The following PTPRN2 variants were observed in gnomAD, a reference collection of about 807,000 sequenced individuals.
PTPRN2 encodes the protein protein tyrosine phosphatase receptor type N2.
A neutral mutation model predicts 118.8 loss-of-function variants in PTPRN2; 74 were observed. The ratio of observed to expected loss-of-function variants is 0.62; its 90% confidence interval spans 0.52 to 0.76. The LOEUF (loss-of-function observed/expected upper bound fraction) is 0.76. Among genes scored for constraint, PTPRN2 ranks in the 30% least tolerant of loss-of-function variants. The pLI is 0.00. For missense variants in PTPRN2, 1,481 were observed against 1,394.4 expected (o/e 1.06, Z -0.99); for synonymous variants, 641 against 608.0 (o/e 1.05, Z -0.80).
chr7:157,877,515 A>G (rs902229456), intron 12 of PTPRN2, among the ~76,000 whole-genome samples: 3 of 151,128 alleles, frequency 2.0e-5, no homozygotes, highest in Admixed American at 2.0e-4. Context: ...TCCAAGTGCC[A>G]TGGTCAGGGT....
chr7:158,300,483 T>G (rs575274285), intron 3 of PTPRN2, among the ~76,000 whole-genome samples: 1 of 103,202 alleles, frequency 9.7e-6, no homozygotes, highest in South Asian at 3.4e-4. Context: ...CAACCTATAT[T>G]TTGTGTGAGA....
chr7:157,829,105 G>A (rs1454956414), intron 12 of PTPRN2, among the ~76,000 whole-genome samples: 3 of 152,278 alleles, frequency 2.0e-5, no homozygotes, highest in East Asian at 1.9e-4. Context: ...CGGGATGCTC[G>A]TGAGCCGTGA....
chr7:158,166,799 T>G (rs1823046009), intron 6 of PTPRN2, 132 bp downstream of exon 6: 3 of 1,200,402 alleles, frequency 2.5e-6, no homozygotes, highest in Non-Finnish European at 2.2e-6. Context: ...GGTGCCCCAT[T>G]CCTGCCACGC....
intron 12 of PTPRN2, among the ~76,000 whole-genome samples, chr7:157,871,961 C>G (rs554888829): frequency 2.8e-5 from 4 of 143,740 alleles, no homozygotes; most frequent in African/African-American, 1.0e-4. Flanking sequence ...ACATACCCAG[C>G]GCTTCCCCAC....
chr7:158,112,486 C>A (rs1156521992), intron 9 of PTPRN2, among the ~76,000 whole-genome samples: 1 of 152,162 alleles, frequency 6.6e-6, no homozygotes, highest in Non-Finnish European at 1.5e-5. Flanking sequence ...CCTGAGCTGG[C>A]CACCACGGCT....
intron 9 of PTPRN2, among the ~76,000 whole-genome samples, chr7:158,118,511 A>G (rs1236752204): frequency 6.6e-6 from 1 of 152,244 alleles, no homozygotes; most frequent in East Asian, 1.9e-4. Flanking sequence ...ATGCACATAG[A>G]AAACAAATAT....
At position 158,110,817 on chromosome 7, in the gene PTPRN2, C is replaced by G; in HGVS notation, c.1643+12G>C. Reference sequence around the variant, plus strand: ...CAGGAGCCAAACAGAAACCCCAGGGCCCCGTACTTACTCCACGTCAGCGAA... The same window carrying G: ...CAGGAGCCAAACAGAAACCCCAGGGGCCCGTACTTACTCCACGTCAGCGAA... On this transcript the variant is annotated intron_variant, in intron 10 of 22. Coordinates refer to ENST00000389418, the MANE Select transcript of PTPRN2 (RefSeq NM_002847.5). The G allele has an allele frequency of 6.4e-7, 1 of 1,573,504 alleles. No homozygotes were observed. The highest frequency in any genetic ancestry group is 1.2e-5 in the South Asian group (1 of 85,940).
At chr7:158,416,237 G>C (rs558270172) in intron 2 of PTPRN2, among the ~76,000 whole-genome samples, 1 of 152,330 alleles carries the variant, frequency 6.6e-6, no homozygotes, top group East Asian at 1.9e-4. Flanking sequence ...TCCATAGTCA[G>C]CCAGGCTTGG....
chr7:157,910,663 CTG>C (rs1256976188), intron 11 of PTPRN2, among the ~76,000 whole-genome samples: 1 of 152,176 alleles, frequency 6.6e-6, no homozygotes, highest in Non-Finnish European at 1.5e-5. Flanking sequence ...GCACAGCTGA[CTG>C]TGTCAAAACA....
intron 14 of PTPRN2, among the ~76,000 whole-genome samples, chr7:157,634,245 A>C (rs1804156200): frequency 6.6e-6 from 1 of 152,238 alleles, no homozygotes; most frequent in African/African-American, 2.4e-5. Flanking sequence ...TGATCTGAGA[A>C]GCAAGGTCAT....
chr7:157,643,440 A>G (rs1054532241), intron 14 of PTPRN2, among the ~76,000 whole-genome samples: 3 of 152,216 alleles, frequency 2.0e-5, no homozygotes, highest in African/African-American at 7.2e-5. Context: ...CATGGAAGGG[A>G]CACTCTCTGC....
At chr7:157,648,977 C>T (rs1342259613) in intron 14 of PTPRN2, among the ~76,000 whole-genome samples, 5 of 145,592 alleles carry the variant, frequency 3.4e-5, no homozygotes, top group South Asian at 2.3e-4. Flanking sequence ...GTGGGTCGGA[C>T]CCATCCACTG....
intron 10 of PTPRN2, among the ~76,000 whole-genome samples, chr7:158,096,632 G>C (rs1321894495): frequency 1.3e-5 from 2 of 152,126 alleles, no homozygotes; most frequent in African/African-American, 4.8e-5. Flanking sequence ...TCACTGTCTC[G>C]AGACACTAGC....
chr7:158,025,297 C>T (rs1807182831), intron 11 of PTPRN2, among the ~76,000 whole-genome samples: 1 of 152,088 alleles, frequency 6.6e-6, no homozygotes, highest in African/African-American at 2.4e-5. Context: ...ATTAAACATC[C>T]AAAATACATT....
At chr7:158,270,832 A>ACCACCCCCCCCACC (rs1491217373) in intron 3 of PTPRN2, among the ~76,000 whole-genome samples, 4 of 5,184 alleles carry the variant, frequency 7.7e-4, no homozygotes, top group Non-Finnish European at 1.5e-3. Flanking sequence ...CTCCACCTGG[A>ACCACCCCCCCCACC]TGACCCCCTC....
chr7:158,520,319 T>C (rs1823889098), intron 1 of PTPRN2, among the ~76,000 whole-genome samples: 1 of 152,228 alleles, frequency 6.6e-6, no homozygotes, highest in Non-Finnish European at 1.5e-5. Context: ...AATTCCACTA[T>C]TGTGAAATTC....
At chr7:158,125,617 T>C (rs1048170923) in intron 9 of PTPRN2, among the ~76,000 whole-genome samples, 1 of 152,220 alleles carries the variant, frequency 6.6e-6, no homozygotes, top group African/African-American at 2.4e-5. Flanking sequence ...AAATCCATCA[T>C]GCTACAGATA....
At chr7:158,465,632 C>T (rs1248246433) in intron 2 of PTPRN2, among the ~76,000 whole-genome samples, 1 of 152,182 alleles carries the variant, frequency 6.6e-6, no homozygotes, top group Non-Finnish European at 1.5e-5. Context: ...AGAGTCAGTA[C>T]TTGGAAGCAC....
intron 3 of PTPRN2, among the ~76,000 whole-genome samples, chr7:158,249,647 T>C (rs1464967189): frequency 1.3e-5 from 2 of 152,178 alleles, no homozygotes; most frequent in African/African-American, 4.8e-5. Flanking sequence ...AGTTGTGACG[T>C]CTATGCAGCC....
Sources: allele counts gnomAD v4.1 joint callset (sites outside exome capture counted in the v4.1 genomes callset), GRCh38; gene constraint gnomAD v4.1.1; transcripts MANE v1.5; gene names NCBI Gene and HGNC (gene_info 2026-07-23, HGNC 2026-07-21).